ACAD9: variants seen among roughly 807,000 people sequenced by gnomAD.
The protein encoded by ACAD9 is acyl-CoA dehydrogenase family member 9.
In ACAD9, 53 loss-of-function variants were observed where a neutral mutation model predicts 70.2. The ratio of observed to expected loss-of-function variants is 0.75; its 90% CI spans 0.61 to 0.95. The LOEUF (loss-of-function observed/expected upper bound fraction) is 0.95. Ranked by LOEUF, ACAD9 falls within the 40% of genes least tolerant of loss-of-function variation. ACAD9 has a pLI of 0.00. For missense variants in ACAD9, 777 were observed against 802.8 expected (o/e 0.97, Z 0.39); for synonymous variants, 313 against 312.1 (o/e 1.00, Z -0.03).
rs768114812 is a variant in ACAD9, at chr3:128,896,425, G to C, written c.454-11G>C. ...CCACAGCTGACATTAGTCTGTGTCT[G>C]TTTTGTTTAGGGGATCATCTTGGCT... On this transcript the variant is annotated splice_polypyrimidine_tract_variant and intron_variant, in intron 4 of 17. Transcript: ENST00000308982. 1.9e-6 allele frequency: 3 copies of C among 1,613,846 alleles called. No individual in the cohort carries two copies. The highest frequency in any genetic ancestry group is 2.5e-6 in the Non-Finnish European group (3 of 1,179,730).
chr3:128,903,451 G>T (rs1481157262), intron 9 of ACAD9, among the ~76,000 whole-genome samples: 2 of 152,200 alleles, frequency 1.3e-5, no homozygotes, highest in African/African-American at 4.8e-5. Context: ...TCTGAGTGGG[G>T]CTCGGCCCTC....
chr3:128,884,747 G>T lies in ACAD9; in HGVS notation c.244+1G>T. 6.2e-7 allele frequency: 1 copy of T among 1,608,996 alleles called. No individual in the cohort carries two copies. The highest frequency in any genetic ancestry group is 8.5e-7 in the Non-Finnish European group (1 of 1,175,840). On this transcript the variant is annotated splice_donor_variant, in intron 2 of 17. Transcript: ENST00000308982. LOFTEE classifies it high-confidence loss of function. ...GTGGAAAAATTCTTCACTGAAGAGG[G>T]TATGTATGGTTTTCTTTACCATTGC...
chr3:128,910,324 T>A, intron 16 of ACAD9, 175 bp downstream of exon 16: 2 of 1,477,658 alleles, frequency 1.4e-6, no homozygotes, highest in Non-Finnish European at 1.8e-6. Flanking sequence ...GTTCCCTTTC[T>A]TCTTCCTGAC....
Position 128,904,092 on chromosome 3 carries a change from A to G in ACAD9, c.989A>G (p.Lys330Arg). ...ACTGCTGAGTACGCCTGCACAAGGA[A>G]ACAGTTTAACAAGAGGCTCAGTGAA... ...EMTAEYACTR[K>R]QFNKRLSEFG... The change falls in exon 10 of 18, where the codon AAA becomes AGA. Residue 330 changes from lysine (K) to arginine (R), a missense_variant. Transcript: ENST00000308982. 1.2e-6 allele frequency: 2 copies of G among 1,614,220 alleles called. No individual in the cohort carries two copies. Among genetic ancestry groups the G allele is most frequent in the Non-Finnish European group, 8.5e-7 (1 of 1,180,040 alleles).
chr3:128,910,887 A>G, intron 17 of ACAD9, 74 bp downstream of exon 17: 1 of 1,550,346 alleles, frequency 6.5e-7, no homozygotes, highest in Non-Finnish European at 8.9e-7. Context: ...CTGTTTCTGG[A>G]CCCTGTCAAG....
rs1014140413 is a variant in ACAD9 at position 128,902,064 on chromosome 3, C to G, written c.883-489C>G. 6.6e-6 allele frequency among the ~76,000 whole-genome samples: 1 copy of G among 152,226 alleles called. No homozygotes were observed. Among genetic ancestry groups the G allele is most frequent in the Non-Finnish European group, 1.5e-5 (1 of 68,034 alleles). ...TTCATTCCTTTTATGGCTGAATTCT[C>G]TTCTGTTGAGTGGAGATACCACATT... On this transcript the variant is annotated intron_variant, in intron 8 of 17. Coordinates refer to ENST00000308982, the MANE Select transcript of ACAD9 (RefSeq NM_014049.5). This position sits in a 1 kb window ranked among gnomAD's most constrained non-coding sequence, Gnocchi z 4.0.
At chr3:128,897,301 C>T (rs796492443) in intron 5 of ACAD9, among the ~76,000 whole-genome samples, 51 of 152,246 alleles carry the variant, frequency 3.3e-4, no homozygotes, top group African/African-American at 1.2e-3. Context: ...TCTGCCTCAG[C>T]CTCCCGAGTA....
chr3:128,892,271 G>A (rs547628602), intron 2 of ACAD9, among the ~76,000 whole-genome samples: 11 of 152,174 alleles, frequency 7.2e-5, no homozygotes, highest in Non-Finnish European at 1.0e-4. Flanking sequence ...GTTATTCTTC[G>A]CCAATTATGT....
At chr3:128,908,775 CAT>C (rs1464605476) in intron 13 of ACAD9, among the ~76,000 whole-genome samples, 196 bp from the exon 14 acceptor site, 1 of 152,180 alleles carries the variant, frequency 6.6e-6, no homozygotes, top group Non-Finnish European at 1.5e-5. Context: ...CATGGGGGAG[CAT>C]ATGTGTGGCT....
rs1935538990 is a variant in ACAD9, at chr3:128,895,306, C to T, written c.347-4C>T. 2 of 1,608,966 alleles carry T rather than the reference C, an allele frequency of 1.2e-6. No individual in the cohort carries two copies. The highest frequency in any genetic ancestry group is 1.7e-6 in the Non-Finnish European group (2 of 1,177,334). Reference sequence around the variant, plus strand: ...TGTGATTGACGCTGGTCCATCTCTCCTAGGTGGCCTGGGCTTCTCCAACAC... The same window carrying T: ...TGTGATTGACGCTGGTCCATCTCTCTTAGGTGGCCTGGGCTTCTCCAACAC... On this transcript the variant is annotated splice_region_variant and splice_polypyrimidine_tract_variant and intron_variant, in intron 3 of 17. Transcript: ENST00000308982.
At chr3:128,884,518 C>A in intron 1 of ACAD9, 135 bp from the exon 2 acceptor site, 1 of 658,142 alleles carries the variant, frequency 1.5e-6, no homozygotes, top group South Asian at 1.9e-5. Context: ...GTTTGCTTTC[C>A]AGTTCCTTCA....
intron 4 of ACAD9, among the ~76,000 whole-genome samples, chr3:128,895,623 C>T (rs980711005): frequency 3.3e-5 from 5 of 152,196 alleles, no homozygotes; most frequent in African/African-American, 1.2e-4. Context: ...GGTCGCATGT[C>T]CCTTCCTTCT....
chr3:128,879,965 G>A, intron 1 of ACAD9, 124 bp downstream of exon 1: 1 of 1,565,724 alleles, frequency 6.4e-7, no homozygotes, highest in Middle Eastern at 1.7e-4. Flanking sequence ...TGCGGCCGAG[G>A]CGTGTTAACA....
At chr3:128,888,876 A>G (rs905095974) in intron 2 of ACAD9, among the ~76,000 whole-genome samples, 4 of 144,614 alleles carry the variant, frequency 2.8e-5, no homozygotes, top group African/African-American at 1.0e-4. Context: ...TTTTATTTAA[A>G]CTTTTCCTAT....
In ACAD9 at chr3:128,909,079, G is replaced by A. The variant is rs143650367; in HGVS notation, c.1465G>A (p.Val489Ile). 20 of 1,614,054 alleles carry A rather than the reference G, an allele frequency of 1.2e-5. No individual in the cohort carries two copies. The highest frequency in any genetic ancestry group is 1.7e-5 in the Non-Finnish European group (20 of 1,180,000). The part of the protein sequence containing the change: ...VDLGLTGNHG[V>I]VHPSLADSAN... ...CCTGGGGCTGACAGGCAACCATGGA[G>A]TTGTGCACCCCAGTCTTGCGGTGAG... Residue 489 changes from valine (V) to isoleucine (I), a missense_variant, in exon 14 of 18, where the codon GTT becomes ATT. Physicochemically the swap from Val to Ile is conservative, Grantham distance 29. Coordinates refer to ENST00000308982, the MANE Select transcript of ACAD9 (RefSeq NM_014049.5).
At chr3:128,886,882 C>G (rs74851251) in intron 2 of ACAD9, among the ~76,000 whole-genome samples, 1 of 143,132 alleles carries the variant, frequency 7.0e-6, no homozygotes, top group Non-Finnish European at 1.5e-5. Context: ...ACTGTGCAGT[C>G]TTTTTTTTTT....
chr3:128,887,644 A>AATATAT (rs71153150), intron 2 of ACAD9, among the ~76,000 whole-genome samples: 6,542 of 132,796 alleles, frequency 0.049, 212 homozygotes, highest in Admixed American at 0.087. Context: ...AAAATAAATA[A>AATATAT]ATATATATAT....
chr3:128,885,468 C>G (rs774464656), intron 2 of ACAD9, among the ~76,000 whole-genome samples: 4 of 152,138 alleles, frequency 2.6e-5, no homozygotes, highest in Non-Finnish European at 5.9e-5. Flanking sequence ...CTCATCTCAC[C>G]ACCACCTCCA....
Position 128,902,602 on chromosome 3 carries a change from TGGCTG to T in ACAD9, c.938_942del (p.Gly313AlafsTer6). On this transcript the variant is annotated frameshift_variant, in exon 9 of 18. Coordinates refer to ENST00000308982, the MANE Select transcript of ACAD9 (RefSeq NM_014049.5). LOFTEE classifies it high-confidence loss of function. This position sits in a 1 kb window ranked among gnomAD's most constrained non-coding sequence, Gnocchi z 4.0. ...GGCCGGTTCAGCATGGGCAGCGTCG[TGGCTG>T]GGCTGCTCAAGAGATTGATTGGTAG... 6.2e-7 allele frequency: 1 copy of T among 1,614,164 alleles called. No individual in the cohort carries two copies. Among genetic ancestry groups the T allele is most frequent in the Non-Finnish European group, 8.5e-7 (1 of 1,180,004 alleles).
Sources: gnomAD v4.1 joint callset for allele counts (sites outside exome capture counted in the v4.1 genomes callset) on GRCh38, gnomAD v4.1.1 for gene constraint, Gnocchi (gnomAD v3.1) non-coding constraint, MANE v1.5 for transcripts, NCBI Gene and HGNC (gene_info 2026-07-23, HGNC 2026-07-21) for gene names.